The following MTOR variants were observed in gnomAD, a reference collection of about 807,000 sequenced individuals.
MTOR encodes the protein serine/threonine-protein kinase mTOR.
MTOR carries 70 observed loss-of-function variants against 319.8 expected under a neutral mutation model. That is an observed-to-expected ratio of 0.22 (90% confidence interval 0.18 to 0.27). The LOEUF (loss-of-function observed/expected upper bound fraction) is 0.27, where lower values mean the gene tolerates loss of function less well. MTOR is among the 10% of genes least tolerant of loss of function. The pLI, the probability that MTOR is intolerant of heterozygous loss-of-function variation, is 1.00. For missense variants in MTOR, 1,890 were observed against 3,274.4 expected, an observed-to-expected ratio of 0.58 and a Z score of 10.32; for synonymous variants, 1,183 against 1,211.4, an observed-to-expected ratio of 0.98 and a Z score of 0.49.
chr1:11,223,805 C>T (rs761549974), intron 19 of MTOR, among the ~76,000 whole-genome samples: 2 of 151,886 alleles, frequency 1.3e-5, no homozygotes, highest in African/African-American at 2.4e-5. Flanking sequence ...TTTGGGAGGC[C>T]GAGACGGGTG....
chr1:11,244,159 G>A (rs1648479459), intron 8 of MTOR, among the ~76,000 whole-genome samples: 1 of 151,838 alleles, frequency 6.6e-6, no homozygotes, highest in Non-Finnish European at 1.5e-5. Flanking sequence ...GGACATAAGG[G>A]TGCATGCCTG....
At chr1:11,235,792 G>T (rs1420075630) in intron 13 of MTOR, among the ~76,000 whole-genome samples, 1 of 152,070 alleles carries the variant, frequency 6.6e-6, no homozygotes, top group Non-Finnish European at 1.5e-5. Flanking sequence ...GACCAGCCTG[G>T]CCAACATGGA....
At chr1:11,119,109 A>T (rs1642355793) in intron 49 of MTOR, among the ~76,000 whole-genome samples, 1 of 152,132 alleles carries the variant, frequency 6.6e-6, no homozygotes, top group Non-Finnish European at 1.5e-5. Flanking sequence ...AATAACCTCA[A>T]GGTGGAGAGG....
intron 10 of MTOR, among the ~76,000 whole-genome samples, chr1:11,240,886 C>T (rs1647912934): frequency 6.6e-6 from 1 of 152,072 alleles, no homozygotes; most frequent in African/African-American, 2.4e-5. Context: ...AAGCAACTTG[C>T]TCAATAATAA....
At position 11,253,948 on chromosome 1, in the gene MTOR, C is replaced by T; in HGVS notation, c.731G>A (p.Gly244Glu). 6.2e-7 allele frequency: 1 copy of T among 1,614,122 alleles called. No homozygotes were observed. The highest frequency in any genetic ancestry group is 8.5e-7 in the Non-Finnish European group (1 of 1,180,038). Reference protein sequence around the residue: ...YRHTFEEAEKGFDETLAKEKG... With the variant: ...YRHTFEEAEKEFDETLAKEKG... The stretch of plus-strand genomic sequence containing the variant: ...CTCTTTGGCCAAGGTCTCATCAAAT[C>T]CCTTCTCTGCTTCTTCAAATGTGTG... Residue 244 changes from glycine to glutamate, a missense_variant, in exon 6 of 58, where the codon GGA (glycine) becomes GAA (glutamate). Around this residue, in one of 15 missense-constraint regions of MTOR, gnomAD observed 418 missense variants for 543.1 expected, o/e 0.77. Transcript: ENST00000361445.
At chr1:11,119,581 A>G (rs1453544723) in intron 49 of MTOR, among the ~76,000 whole-genome samples, 2 of 146,320 alleles carry the variant, frequency 1.4e-5, no homozygotes, top group East Asian at 4.0e-4. Flanking sequence ...GAGAAAAAAA[A>G]AAAAAAAAAA....
chr1:11,241,430 T>G, intron 10 of MTOR, 123 bp downstream of exon 10: 1 of 1,228,400 alleles, frequency 8.1e-7, no homozygotes, highest in Non-Finnish European at 1.1e-6. Context: ...GTGTGTTTAG[T>G]CTAAGCTATC....
At chr1:11,226,758 G>A (rs1236237224) in intron 19 of MTOR, among the ~76,000 whole-genome samples, 1 of 152,082 alleles carries the variant, frequency 6.6e-6, no homozygotes, top group African/African-American at 2.4e-5. Context: ...TCACCAGCTT[G>A]GGCAACAGAG....
At chr1:11,246,556 A>C (rs934017142) in intron 8 of MTOR, among the ~76,000 whole-genome samples, 5 of 152,068 alleles carry the variant, frequency 3.3e-5, no homozygotes, top group African/African-American at 4.8e-5. Context: ...ACTTCTTTCG[A>C]ACAGCGTGTT....
intron 1 of MTOR, among the ~76,000 whole-genome samples, chr1:11,261,412 C>T (rs1264163809): frequency 1.3e-5 from 2 of 151,814 alleles, no homozygotes; most frequent in Non-Finnish European, 2.9e-5. Context: ...GCGGAGCTTG[C>T]AGTGAGCAGA....
intron 47 of MTOR, among the ~76,000 whole-genome samples, chr1:11,123,684 G>T (rs528100232): frequency 2.0e-5 from 3 of 151,576 alleles, no homozygotes; most frequent in Non-Finnish European, 4.4e-5. Context: ...GTCCAGGATG[G>T]TCTTGAACTC....
intron 25 of MTOR, among the ~76,000 whole-genome samples, chr1:11,207,580 T>A (rs2982620): frequency 8.2e-4 from 114 of 139,132 alleles, no homozygotes; most frequent in African/African-American, 2.4e-3. Flanking sequence ...AGCTAATTTT[T>A]AAAATTTTTT....
At chr1:11,114,528 C>A in intron 52 of MTOR, 75 bp from the exon 53 acceptor site, 1 of 1,591,888 alleles carries the variant, frequency 6.3e-7, no homozygotes, top group South Asian at 1.1e-5. Flanking sequence ...GGGTCTGTTA[C>A]CCTCACTTAG....
intron 28 of MTOR, among the ~76,000 whole-genome samples, chr1:11,169,223 G>A (rs1644737181): frequency 6.6e-6 from 1 of 152,214 alleles, no homozygotes; most frequent in African/African-American, 2.4e-5. Flanking sequence ...ATTTGTGAAA[G>A]TAATAATCTA....
intron 28 of MTOR, among the ~76,000 whole-genome samples, chr1:11,169,237 C>T (rs375179926): frequency 3.0e-4 from 45 of 152,312 alleles, no homozygotes; most frequent in African/African-American, 1.0e-3. Flanking sequence ...TAATCTAATG[C>T]CTCATGTTTA....
chr1:11,174,358 C>T (rs1644919508), intron 28 of MTOR, among the ~76,000 whole-genome samples: 1 of 152,120 alleles, frequency 6.6e-6, no homozygotes, highest in African/African-American at 2.4e-5. Flanking sequence ...CCCTCCTGTG[C>T]CTTCATTTTA....
rs2100421987 is a variant in MTOR at position 11,129,542 on chromosome 1, C to A, written c.5714+196G>T. Among the ~76,000 whole-genome samples the A allele has an allele frequency of 6.6e-6, 1 of 152,376 alleles. No individual in the cohort carries two copies. Among genetic ancestry groups the A allele is most frequent in the Non-Finnish European group, 1.5e-5 (1 of 68,030 alleles). ...GTTCTCACTCCACTTCTCCTCCTCA[C>A]TCTCTGTAGGTTTCACCCACACAGG... On this transcript the variant is annotated intron_variant, in intron 40 of 57. Transcript: ENST00000361445. The surrounding 1 kb of genome is among the most constrained non-coding windows in gnomAD (Gnocchi z 4.7).
intron 29 of MTOR, among the ~76,000 whole-genome samples, chr1:11,159,972 C>G (rs1283073133): frequency 1.3e-5 from 2 of 152,006 alleles, no homozygotes; most frequent in African/African-American, 2.4e-5. Flanking sequence ...CAAAGAATAA[C>G]AGAAACATTT....
intron 28 of MTOR, among the ~76,000 whole-genome samples, chr1:11,186,391 C>A (rs1173367064): frequency 2.0e-5 from 3 of 152,166 alleles, no homozygotes; most frequent in Non-Finnish European, 4.4e-5. Flanking sequence ...CAAGGCAGTG[C>A]GGCCCAAACA....
Sources: allele counts gnomAD v4.1 joint callset (sites outside exome capture counted in the v4.1 genomes callset), GRCh38; gene constraint gnomAD v4.1.1; regional missense constraint gnomAD v4.1.1; non-coding constraint Gnocchi (gnomAD v3.1); transcripts MANE v1.5; gene names NCBI Gene and HGNC (gene_info 2026-07-23, HGNC 2026-07-21).